Variants in TNR observed in about 807,000 individuals in gnomAD.
TNR encodes tenascin R, also known as tenascin-R.
A neutral mutation model predicts 150.4 loss-of-function variants in TNR; 45 were observed. The ratio of observed to expected loss-of-function variants is 0.30; its 90% CI spans 0.24 to 0.38. The LOEUF is 0.38. Among genes scored for constraint, TNR ranks in the 10% least tolerant of loss-of-function variants. The probability of loss-of-function intolerance (pLI) is 1.00; values close to 1 mark genes in which losing one functional copy is unlikely to be tolerated. For synonymous variants in TNR, 687 were observed against 678.4 expected (o/e 1.01, Z -0.20); for missense variants, 1,544 against 1,759.1 (o/e 0.88, Z 2.19).
chr1:175,514,047 T>C (rs1310314305), intron 2 of TNR, among the ~76,000 whole-genome samples: 1 of 152,198 alleles, frequency 6.6e-6, no homozygotes, highest in Non-Finnish European at 1.5e-5. Context: ...GGCAGAATAA[T>C]GACGCCTCAA....
rs867234700 is a variant in TNR at position 175,393,690 on chromosome 1, G to A, written c.1356+90C>T. 15 of 1,005,034 alleles carry A rather than the reference G, an allele frequency of 1.5e-5. No individual in the cohort carries two copies. The Middle Eastern group carries it at 3.1e-3, about 209-fold the overall frequency. The allele number at this position is 1,005,034 out of a possible 1,614,324, so 62.3% of individuals were successfully genotyped here. A position where few individuals can be genotyped will look rare whatever the true frequency, so the allele number is the denominator to read the frequency against. On this transcript the variant is annotated intron_variant, in intron 6 of 22. Transcript: ENST00000367674. ...TTTAATGGCATGGAGAGAGATATTG[G>A]GTAGCACTTTCCTTGCTGCCCCTGA... is the stretch of plus-strand genomic sequence containing the variant.
At chr1:175,687,925 C>G (rs987907396) in intron 1 of TNR, among the ~76,000 whole-genome samples, 2 of 152,046 alleles carry the variant, frequency 1.3e-5, no homozygotes, top group African/African-American at 4.8e-5. Context: ...CACCAGCCAT[C>G]TCAAACACCC....
intron 2 of TNR, among the ~76,000 whole-genome samples, chr1:175,447,143 A>T (rs1371545846): frequency 6.6e-6 from 1 of 150,902 alleles, no homozygotes; most frequent in Non-Finnish European, 1.5e-5. Flanking sequence ...CAGCACCCTC[A>T]TCTGGGATCT....
chr1:175,370,584 T>C (rs183569810), intron 9 of TNR, among the ~76,000 whole-genome samples: 245 of 152,222 alleles, frequency 1.6e-3, no homozygotes, highest in Non-Finnish European at 2.7e-3. Flanking sequence ...CAATACCCCC[T>C]GATCCATTTG....
intron 4 of TNR, among the ~76,000 whole-genome samples, chr1:175,399,249 G>A (rs1276269577): frequency 6.6e-6 from 1 of 152,204 alleles, no homozygotes; most frequent in Non-Finnish European, 1.5e-5. Context: ...TTCTGTCATA[G>A]TGGCAGAAAT....
At chr1:175,691,373 A>G (rs79057754) in intron 1 of TNR, among the ~76,000 whole-genome samples, 2,710 of 152,336 alleles carry the variant, frequency 0.018, 73 homozygotes, top group African/African-American at 0.051. Context: ...TTATTATGTG[A>G]CAGGCACAGT....
chr1:175,623,793 G>A (rs1664056726), intron 1 of TNR, among the ~76,000 whole-genome samples: 1 of 152,218 alleles, frequency 6.6e-6, no homozygotes, highest in Non-Finnish European at 1.5e-5. Context: ...AATTGACATA[G>A]GAGTCTTCTG....
chr1:175,554,244 G>A (rs912212370), intron 1 of TNR, among the ~76,000 whole-genome samples: 1 of 151,046 alleles, frequency 6.6e-6, no homozygotes, highest in Non-Finnish European at 1.5e-5. Flanking sequence ...CTTTACAGAT[G>A]GCACTCCTAT....
intron 1 of TNR, among the ~76,000 whole-genome samples, chr1:175,736,182 G>A (rs1165190149): frequency 6.6e-6 from 1 of 152,194 alleles, no homozygotes; most frequent in Non-Finnish European, 1.5e-5. Flanking sequence ...CTGTCCCAGG[G>A]ACTTTGTACT....
At chr1:175,681,501 G>A (rs569588095) in intron 1 of TNR, among the ~76,000 whole-genome samples, 91 of 152,278 alleles carry the variant, frequency 6.0e-4, no homozygotes, top group African/African-American at 2.1e-3. Context: ...GAGGTGCTGC[G>A]ACTTGCCCCA....
At chr1:175,662,579 G>T (rs1408640023) in intron 1 of TNR, among the ~76,000 whole-genome samples, 1 of 152,208 alleles carries the variant, frequency 6.6e-6, no homozygotes, top group Non-Finnish European at 1.5e-5. Flanking sequence ...TTGATGAATT[G>T]ATAACTAGTC....
intron 1 of TNR, among the ~76,000 whole-genome samples, chr1:175,602,781 T>C (rs750616950): frequency 6.6e-6 from 1 of 152,222 alleles, no homozygotes; most frequent in Non-Finnish European, 1.5e-5. Flanking sequence ...TGGGATGCTT[T>C]CTTCTTTCAG....
intron 18 of TNR, among the ~76,000 whole-genome samples, chr1:175,345,991 G>A (rs1359576726): frequency 6.6e-6 from 1 of 152,086 alleles, no homozygotes; most frequent in Non-Finnish European, 1.5e-5. Context: ...ACTTCTCAAT[G>A]GCAACACTGC....
At chr1:175,490,336 C>G (rs147320576) in intron 2 of TNR, among the ~76,000 whole-genome samples, 1 of 152,138 alleles carries the variant, frequency 6.6e-6, no homozygotes, top group Non-Finnish European at 1.5e-5. Context: ...GATGAAAATG[C>G]GAAAAGCAAT....
At chr1:175,478,216 G>A (rs183243842) in intron 2 of TNR, among the ~76,000 whole-genome samples, 2 of 152,310 alleles carry the variant, frequency 1.3e-5, no homozygotes, top group Non-Finnish European at 1.5e-5. Flanking sequence ...TCTATACACA[G>A]TCCTACACAG....
intron 1 of TNR, among the ~76,000 whole-genome samples, chr1:175,669,847 C>T (rs1163927923): frequency 6.6e-5 from 10 of 152,202 alleles, no homozygotes; most frequent in Non-Finnish European, 4.4e-5. Context: ...ACCTTTGCTG[C>T]CACCTTTACT....
chr1:175,529,026 G>A (rs533081132), intron 1 of TNR, among the ~76,000 whole-genome samples: 5 of 152,332 alleles, frequency 3.3e-5, no homozygotes, highest in Middle Eastern at 3.4e-3. Flanking sequence ...CAGTGGCATC[G>A]ATTGTTAAGT....
intron 1 of TNR, among the ~76,000 whole-genome samples, chr1:175,578,993 G>GCTA (rs1337890169): frequency 6.6e-6 from 1 of 152,168 alleles, no homozygotes; most frequent in Non-Finnish European, 1.5e-5. Flanking sequence ...TGGCCACAGT[G>GCTA]CTACCACCAA....
At chr1:175,376,879 T>TACATAC (rs1553211475) in intron 9 of TNR, among the ~76,000 whole-genome samples, 2 of 146,544 alleles carry the variant, frequency 1.4e-5, no homozygotes, top group East Asian at 4.0e-4. Context: ...TATATATATA[T>TACATAC]ACACATATAT....
Sources: gnomAD v4.1 joint callset for allele counts (sites outside exome capture counted in the v4.1 genomes callset) on GRCh38, gnomAD v4.1.1 for gene constraint, MANE v1.5 for transcripts, NCBI Gene and HGNC (gene_info 2026-07-23, HGNC 2026-07-21) for gene names.